The following CCN4 variants were observed in gnomAD, a reference collection of about 807,000 sequenced individuals.
CCN4 encodes the protein CCN family member 4.
A neutral mutation model predicts 36.7 loss-of-function variants in CCN4; 30 were observed. The observed-to-expected ratio is 0.82, with a 90% CI of 0.61 to 1.11. The LOEUF (loss-of-function observed/expected upper bound fraction) is 1.11. Among genes scored for constraint, CCN4 ranks in the 50% least tolerant of loss-of-function variants. The pLI, the probability that CCN4 is intolerant of heterozygous loss-of-function variation, is 0.00. For missense variants in CCN4, 505 were observed against 504.9 expected (o/e 1.00, Z 0.00); for synonymous variants, 191 against 195.4 (o/e 0.98, Z 0.19).
chr8:133,199,741 T>C (rs1166733496), intron 1 of CCN4, among the ~76,000 whole-genome samples: 1 of 152,134 alleles, frequency 6.6e-6, no homozygotes, highest in Non-Finnish European at 1.5e-5. Flanking sequence ...TTGACTTCCT[T>C]GACAGCTGTT....
chr8:133,217,621 C>T (rs763236301), intron 2 of CCN4, among the ~76,000 whole-genome samples: 1 of 152,126 alleles, frequency 6.6e-6, no homozygotes, highest in African/African-American at 2.4e-5. Flanking sequence ...CCACCCAAAG[C>T]CCCAAGGAGA....
At chr8:133,196,310 A>G (rs1430175786) in intron 1 of CCN4, among the ~76,000 whole-genome samples, 3 of 152,256 alleles carry the variant, frequency 2.0e-5, no homozygotes, top group Non-Finnish European at 2.9e-5. Context: ...TTCCGGAAGC[A>G]TAAGATACAC....
chr8:133,214,763 C>T (rs1209184563), intron 2 of CCN4, among the ~76,000 whole-genome samples: 1 of 152,100 alleles, frequency 6.6e-6, no homozygotes, highest in East Asian at 1.9e-4. Flanking sequence ...TCTCATAAAC[C>T]CAAAAACTCC....
chr8:133,210,366 TC>T (rs1181440302), intron 1 of CCN4, among the ~76,000 whole-genome samples: 2 of 150,958 alleles, frequency 1.3e-5, no homozygotes, highest in South Asian at 2.1e-4. Context: ...GAAATGTCTC[TC>T]CCCAAAGTCA....
intron 3 of CCN4, among the ~76,000 whole-genome samples, chr8:133,222,220 G>T (rs1465837275): frequency 6.6e-6 from 1 of 152,200 alleles, no homozygotes; most frequent in Non-Finnish European, 1.5e-5. Context: ...AGTAGAGGCA[G>T]TGAAGAAGGA....
chr8:133,217,309 C>T (rs1313733660), intron 2 of CCN4, among the ~76,000 whole-genome samples: 1 of 152,244 alleles, frequency 6.6e-6, no homozygotes, highest in Non-Finnish European at 1.5e-5. Context: ...ACTGTCCCTG[C>T]TGACAGCGTG....
In CCN4 at chr8:133,229,423, C is replaced by T. The variant is rs533255564; in HGVS notation, c.*1713C>T. On this transcript the variant is annotated 3_prime_UTR_variant, in exon 5 of 5. Transcript: ENST00000250160. Reference sequence around the variant, plus strand: ...TTTAGGTGCTTAAGCATCCAAAATACATGGGACACACAAAAATCCAGGAAT... The same window carrying T: ...TTTAGGTGCTTAAGCATCCAAAATATATGGGACACACAAAAATCCAGGAAT... The T allele has an allele frequency of 1.3e-5, 2 of 152,330 alleles. No homozygotes were observed. Among genetic ancestry groups the T allele is most frequent in the African/African-American group, 4.8e-5 (2 of 41,582 alleles). The allele number at this position is 152,330 out of a possible 1,614,324, so 9.4% of individuals were successfully genotyped here.
At chr8:133,205,136 C>T (rs1310399313) in intron 1 of CCN4, among the ~76,000 whole-genome samples, 6 of 152,184 alleles carry the variant, frequency 3.9e-5, no homozygotes, top group Non-Finnish European at 8.8e-5. Context: ...GGCTCAGAGG[C>T]TGCAGCAGGC....
chr8:133,226,157 A>G (rs1854728353), intron 4 of CCN4, among the ~76,000 whole-genome samples: 1 of 152,250 alleles, frequency 6.6e-6, no homozygotes, highest in Non-Finnish European at 1.5e-5. Context: ...TTTGAGCCCC[A>G]GTCTCAGAGT....
intron 1 of CCN4, among the ~76,000 whole-genome samples, chr8:133,197,160 T>C (rs1853421763): frequency 6.6e-6 from 1 of 152,082 alleles, no homozygotes; most frequent in South Asian, 2.1e-4. Context: ...AGTCAGGATG[T>C]CCCTCAATGC....
At chr8:133,204,994 A>AAC (rs1463317287) in intron 1 of CCN4, among the ~76,000 whole-genome samples, 1 of 152,236 alleles carries the variant, frequency 6.6e-6, no homozygotes, top group Admixed American at 6.5e-5. Context: ...GTGTCCATTA[A>AAC]AGCCCCAGGG....
chr8:133,228,853 A>C lies in CCN4; in HGVS notation c.*1143A>C, dbSNP rs1404467910. 1 of 152,166 alleles carries C rather than the reference A, an allele frequency of 6.6e-6. No homozygotes were observed. The highest frequency in any genetic ancestry group is 1.5e-5 in the Non-Finnish European group (1 of 68,038). The allele number at this position is 152,166 out of a possible 1,614,324, so 9.4% of individuals were successfully genotyped here. On this transcript the variant is annotated 3_prime_UTR_variant, in exon 5 of 5. Coordinates refer to ENST00000250160, the MANE Select transcript of CCN4 (RefSeq NM_003882.4). Reference sequence around the variant, plus strand: ...CATTTCACAGCCTTTCGTTCTGCTGACCAAATGGCCAGTTTTCTGGTAGGA... The same window carrying C: ...CATTTCACAGCCTTTCGTTCTGCTGCCCAAATGGCCAGTTTTCTGGTAGGA...
intron 2 of CCN4, 62 bp downstream of exon 2, chr8:133,213,205 C>T: frequency 6.5e-7 from 1 of 1,543,812 alleles, no homozygotes; most frequent in Non-Finnish European, 8.8e-7. Flanking sequence ...GGCCCCAAAC[C>T]CCTCTCCCTT....
intron 2 of CCN4, among the ~76,000 whole-genome samples, chr8:133,220,356 A>G (rs964689511): frequency 3.3e-5 from 5 of 152,156 alleles, no homozygotes; most frequent in Admixed American, 2.6e-4. Flanking sequence ...GGCTGAAGCT[A>G]TAAAGGAACT....
intron 1 of CCN4, among the ~76,000 whole-genome samples, chr8:133,201,008 C>T (rs13259044): frequency 0.23 from 35,648 of 152,202 alleles, 4,718 homozygotes; most frequent in Middle Eastern, 0.33. Context: ...CTAGGGAGCA[C>T]TCTGTGGTCC....
At chr8:133,195,190 GTGTGTGTGGTGTGTGTATGGTGTGTGTA>G (rs1853332114) in intron 1 of CCN4, among the ~76,000 whole-genome samples, 1 of 148,638 alleles carries the variant, frequency 6.7e-6, no homozygotes, top group African/African-American at 2.5e-5. Flanking sequence ...TGTATGTGGT[GTGTGTGTGGTGTGTGTATGGTGTGTGTA>G]TGTGTGTGGT....
At chr8:133,225,969 C>A (rs188689470) in intron 4 of CCN4, among the ~76,000 whole-genome samples, 58 of 152,310 alleles carry the variant, frequency 3.8e-4, no homozygotes, top group African/African-American at 1.3e-3. Context: ...AGGCTCAGGA[C>A]CCCTAGAGTC....
chr8:133,209,063 G>C (rs987502129), intron 1 of CCN4, among the ~76,000 whole-genome samples: 1 of 152,188 alleles, frequency 6.6e-6, no homozygotes, highest in African/African-American at 2.4e-5. Flanking sequence ...CACAAATCCT[G>C]TGCATAGTAG....
chr8:133,217,752 C>T (rs190170778), intron 2 of CCN4, among the ~76,000 whole-genome samples: 2 of 152,248 alleles, frequency 1.3e-5, no homozygotes, highest in East Asian at 1.9e-4. Context: ...AGGTTCACCC[C>T]CATATTCTGA....
Sources: allele counts gnomAD v4.1 joint callset (sites outside exome capture counted in the v4.1 genomes callset), GRCh38; gene constraint gnomAD v4.1.1; transcripts MANE v1.5; gene names NCBI Gene and HGNC (gene_info 2026-07-23, HGNC 2026-07-21).